PDE3B: variants seen among roughly 807,000 people sequenced by gnomAD.
PDE3B encodes cGMP-inhibited 3',5'-cyclic phosphodiesterase 3B.
PDE3B carries 66 observed loss-of-function variants against 116.8 expected under a neutral mutation model. The observed-to-expected ratio is 0.56, with a 90% CI of 0.46 to 0.69. The LOEUF (loss-of-function observed/expected upper bound fraction) is 0.69, where lower values mean the gene tolerates loss of function less well. PDE3B is among the 30% of genes least tolerant of loss of function. The pLI is 0.00. For missense variants in PDE3B, 1,384 were observed against 1,368.1 expected (o/e 1.01, Z -0.18); for synonymous variants, 595 against 533.6 (o/e 1.12, Z -1.59).
At chr11:14,854,417 A>T (rs1590196256) in intron 12 of PDE3B, among the ~76,000 whole-genome samples, 1 of 152,106 alleles carries the variant, frequency 6.6e-6, no homozygotes, top group Admixed American at 6.5e-5. Context: ...TAGGTAACAA[A>T]CCCTATCCAC....
chr11:14,850,053 G>A (rs1434575405), intron 12 of PDE3B, among the ~76,000 whole-genome samples: 4 of 152,092 alleles, frequency 2.6e-5, no homozygotes, highest in Non-Finnish European at 4.4e-5. Flanking sequence ...GTTTATTGCG[G>A]CATTATTCAC....
intron 1 of PDE3B, among the ~76,000 whole-genome samples, chr11:14,740,542 CA>C (rs1221193732): frequency 1.3e-5 from 2 of 151,960 alleles, no homozygotes; most frequent in Non-Finnish European, 2.9e-5. Flanking sequence ...GTAATGTTTT[CA>C]AAAAACCAGC....
intron 15 of PDE3B, among the ~76,000 whole-genome samples, chr11:14,868,656 T>C (rs1848090489): frequency 6.6e-6 from 1 of 152,166 alleles, no homozygotes; most frequent in African/African-American, 2.4e-5. Context: ...TACATAAGTA[T>C]TGTTTTGATT....
At chr11:14,877,300 T>C in the PDE3B span, 1 of 152,106 alleles carries the variant, frequency 6.6e-6, no homozygotes, top group Admixed American at 6.6e-5. Flanking sequence ...TAATTATCTT[T>C]AGAAAAATAA....
At chr11:14,880,315 T>A in the PDE3B span, 1 of 1,613,288 alleles carries the variant, frequency 6.2e-7, no homozygotes. Flanking sequence ...AACAAAATGC[T>A]GAGGTAGCTG....
intron 1 of PDE3B, among the ~76,000 whole-genome samples, chr11:14,661,763 T>C (rs1410495635): frequency 2.0e-5 from 3 of 152,168 alleles, no homozygotes; most frequent in Admixed American, 1.3e-4. Flanking sequence ...AAGGGGCGCC[T>C]GCCATTTCCG....
At chr11:14,899,187 A>C in the PDE3B span, among the ~76,000 whole-genome samples, 1 of 152,182 alleles carries the variant, frequency 6.6e-6, no homozygotes, top group East Asian at 1.9e-4. Context: ...TTACCTTTCC[A>C]CATGCTTTTT....
At chr11:14,668,655 T>C (rs1378556084) in intron 1 of PDE3B, among the ~76,000 whole-genome samples, 3 of 152,132 alleles carry the variant, frequency 2.0e-5, no homozygotes, top group African/African-American at 7.2e-5. Flanking sequence ...AAGTATACAA[T>C]GAAAGGAAGG....
intron 12 of PDE3B, among the ~76,000 whole-genome samples, chr11:14,846,252 A>G (rs11023354): frequency 0.05 from 7,640 of 151,836 alleles, 233 homozygotes; most frequent in Non-Finnish European, 0.073. Context: ...CTTCATAAGT[A>G]AAGGAGAAAT....
chr11:14,757,444 C>T (rs1857222431), intron 1 of PDE3B, among the ~76,000 whole-genome samples: 1 of 151,518 alleles, frequency 6.6e-6, no homozygotes, highest in Non-Finnish European at 1.5e-5. Context: ...TCCTATTTCT[C>T]CACATCCTCT....
At chr11:14,746,450 G>T (rs1312025067) in intron 1 of PDE3B, among the ~76,000 whole-genome samples, 1 of 152,078 alleles carries the variant, frequency 6.6e-6, no homozygotes, top group Non-Finnish European at 1.5e-5. Context: ...CCTTTTTCTA[G>T]GGCAGCTCAC....
At chr11:14,713,628 A>C (rs1433129657) in intron 1 of PDE3B, among the ~76,000 whole-genome samples, 1 of 152,086 alleles carries the variant, frequency 6.6e-6, no homozygotes, top group Admixed American at 6.5e-5. Context: ...ACTTGCTCCC[A>C]CAACTCTGCA....
chr11:14,849,328 AAATT>A (rs1847687600), intron 12 of PDE3B, among the ~76,000 whole-genome samples: 2 of 151,810 alleles, frequency 1.3e-5, no homozygotes, highest in African/African-American at 4.8e-5. Flanking sequence ...CCTTATACAA[AAATT>A]AATTCAAGAT....
Position 14,737,102 on chromosome 11 carries a change from T to A in PDE3B, c.979-34835T>A, listed in dbSNP as rs530521632. Among the ~76,000 whole-genome samples, 269 of 152,216 alleles carry A rather than the reference T, an allele frequency of 1.8e-3. 1 individual carries two copies. Among genetic ancestry groups the A allele is most frequent in the Non-Finnish European group, 2.6e-3 (179 of 67,996 alleles). On this transcript the variant is annotated intron_variant, in intron 1 of 15. Coordinates refer to ENST00000282096, the MANE Select transcript of PDE3B (RefSeq NM_000922.4). ...AGGCTCGTAATAAAGAATAAATGAA[T>A]TTACATTTGTAAAACATTTAGAACG...
chr11:14,695,806 G>T (rs1258173949), intron 1 of PDE3B, among the ~76,000 whole-genome samples: 1 of 151,982 alleles, frequency 6.6e-6, no homozygotes, highest in Non-Finnish European at 1.5e-5. Context: ...CTAGAATAAT[G>T]GCTTCCAGCT....
intron 2 of PDE3B, among the ~76,000 whole-genome samples, chr11:14,782,806 C>A (rs894075888): frequency 1.5e-4 from 23 of 152,234 alleles, no homozygotes; most frequent in African/African-American, 5.5e-4. Context: ...AAGAAACTAC[C>A]ATCAGAATGA....
At chr11:14,855,512 A>C (rs943330237) in intron 12 of PDE3B, among the ~76,000 whole-genome samples, 3 of 152,190 alleles carry the variant, frequency 2.0e-5, no homozygotes, top group African/African-American at 7.2e-5. Flanking sequence ...TCAAGTATTT[A>C]TTGGGTGCAT....
intron 1 of PDE3B, among the ~76,000 whole-genome samples, chr11:14,666,952 A>G (rs1488925065): frequency 3.3e-5 from 5 of 151,198 alleles, no homozygotes; most frequent in South Asian, 4.1e-4. Context: ...CCAAAGGACT[A>G]TAAATCATGC....
intron 1 of PDE3B, among the ~76,000 whole-genome samples, chr11:14,666,530 C>T (rs1428315661): frequency 6.6e-6 from 1 of 150,802 alleles, no homozygotes; most frequent in Non-Finnish European, 1.5e-5. Context: ...TCGCAACCTA[C>T]TCATCTGACA....
Sources: gnomAD v4.1 joint callset for allele counts (sites outside exome capture counted in the v4.1 genomes callset) on GRCh38, gnomAD v4.1.1 for gene constraint, MANE v1.5 for transcripts, NCBI Gene and HGNC (gene_info 2026-07-23, HGNC 2026-07-21) for gene names.